Variants in JUP observed in about 807,000 individuals in gnomAD.
JUP encodes the protein junction plakoglobin.
In JUP, 28 loss-of-function variants were observed where a neutral mutation model predicts 71.1. That is an observed-to-expected ratio of 0.39 (90% CI 0.29 to 0.54). JUP has a LOEUF of 0.54. Among genes scored for constraint, JUP ranks in the 20% least tolerant of loss-of-function variants. The pLI is 0.62. For synonymous variants in JUP, 401 were observed against 438.9 expected, an observed-to-expected ratio of 0.91 and a Z score of 1.08; for missense variants, 869 against 1,030.1, an observed-to-expected ratio of 0.84 and a Z score of 2.14.
chr17:41,765,313 G>T (rs1174177110), intron 5 of JUP, among the ~76,000 whole-genome samples: 1 of 151,948 alleles, frequency 6.6e-6, no homozygotes, highest in Non-Finnish European at 1.5e-5. Context: ...TGGGATTACA[G>T]ATGTGAGCCA....
chr17:41,769,123 G>C lies in JUP; in HGVS notation c.553C>G (p.Leu185Val). The C allele has an allele frequency of 1.9e-6, 3 of 1,610,250 alleles. No individual in the cohort carries two copies. Among genetic ancestry groups the C allele is most frequent in the Middle Eastern group, 1.7e-4 (1 of 6,038 alleles). ...SRRALMGSPQ[L>V]VAAVVRTMQN... The stretch of plus-strand genomic sequence containing the variant: ...ATGGTACGCACGACAGCGGCCACCA[G>C]CTGGGGCGAGCCCATCAGGGCCCGC... Residue 185 changes from leucine (L) to valine (V), a missense_variant, in exon 4 of 14, where the codon CTG (leucine) becomes GTG (valine). Physicochemically the swap from Leu to Val is conservative, Grantham distance 32. Coordinates refer to ENST00000393931, the MANE Select transcript of JUP (RefSeq NM_002230.4).
intron 5 of JUP, among the ~76,000 whole-genome samples, chr17:41,765,705 A>C (rs1018011107): frequency 6.6e-6 from 1 of 152,182 alleles, no homozygotes; most frequent in Admixed American, 6.6e-5. Flanking sequence ...AAAAAAGGAT[A>C]ATACCCAGTG....
chr17:41,783,983 G>C (rs11870036), intron 1 of JUP, among the ~76,000 whole-genome samples: 5,934 of 151,856 alleles, frequency 0.039, 376 homozygotes, highest in African/African-American at 0.14. Flanking sequence ...GTACTTACTG[G>C]GTAGATAGGT....
chr17:41,761,117 C>A (rs1914736140), intron 8 of JUP, among the ~76,000 whole-genome samples: 1 of 152,186 alleles, frequency 6.6e-6, no homozygotes. Context: ...GGAAGTGACA[C>A]ACAGCTAGCT....
chr17:41,767,526 G>A lies in JUP; in HGVS notation c.762C>T (p.Leu254=), dbSNP rs781805854. The A allele has an allele frequency of 3.4e-5, 55 of 1,610,904 alleles. No homozygotes were observed. Among genetic ancestry groups the A allele is most frequent in the East Asian group, 4.5e-5 (2 of 44,766 alleles). Residue 254 remains leucine (L), a synonymous_variant, in exon 5 of 14, where the codon CTC becomes CTT. Transcript: ENST00000393931. ...CCATCTTGGCGCCCTCCTGGTACAGGAGCAGGTTGTGCAGCGTGGTGATGG... is the reference window on the plus strand; with the variant it reads ...CCATCTTGGCGCCCTCCTGGTACAGAAGCAGGTTGTGCAGCGTGGTGATGG... ...FYAITTLHNL[L]LYQEGAKMAV...
intron 13 of JUP, 56 bp from the exon 14 acceptor site, chr17:41,755,951 C>A: frequency 6.4e-7 from 1 of 1,567,242 alleles, no homozygotes; most frequent in Non-Finnish European, 8.7e-7. Context: ...CTGCAGGGAG[C>A]AGTCTGCACA....
chr17:41,766,311 GGAAAAGGA>G (rs1597812600), intron 5 of JUP, among the ~76,000 whole-genome samples: 3 of 140,352 alleles, frequency 2.1e-5, no homozygotes, highest in East Asian at 2.0e-4. Context: ...GAGAGGGAAA[GGAAAAGGA>G]AAAGGAAAAG....
At chr17:41,780,006 G>T (rs1328744039) in intron 1 of JUP, among the ~76,000 whole-genome samples, 2 of 152,032 alleles carry the variant, frequency 1.3e-5, no homozygotes, top group East Asian at 1.9e-4. Flanking sequence ...GGAAGAGGAG[G>T]AGTCTCCCCT....
intron 1 of JUP, among the ~76,000 whole-genome samples, chr17:41,783,729 C>G (rs931373100): frequency 7.3e-5 from 11 of 151,716 alleles, no homozygotes; most frequent in Non-Finnish European, 1.0e-4. Flanking sequence ...GACCAGCCTG[C>G]GCAACATGGT....
intron 5 of JUP, among the ~76,000 whole-genome samples, chr17:41,766,723 C>T (rs965236417): frequency 4.0e-5 from 6 of 151,882 alleles, no homozygotes; most frequent in Non-Finnish European, 5.9e-5. Flanking sequence ...GGTGTGGTGG[C>T]GGGCACCTGT....
chr17:41,773,861 C>A (rs1320951928), intron 1 of JUP, among the ~76,000 whole-genome samples: 1 of 152,232 alleles, frequency 6.6e-6, no homozygotes, highest in Non-Finnish European at 1.5e-5. Context: ...AAGGAAGGTG[C>A]AAGTGTACAA....
chr17:41,763,438 C>A, intron 7 of JUP, 117 bp from the exon 8 acceptor site: 1 of 705,780 alleles, frequency 1.4e-6, no homozygotes. Context: ...TGTGTGTGCC[C>A]GGGAACTTTC....
At chr17:41,762,833 A>T (rs995870196) in intron 8 of JUP, 150 bp downstream of exon 8, 1 of 667,246 alleles carries the variant, frequency 1.5e-6, no homozygotes, top group Non-Finnish European at 2.7e-6. Flanking sequence ...GCCATTGTTG[A>T]GGTCTAAACT....
chr17:41,767,862 TA>T (rs2143658784), intron 4 of JUP, among the ~76,000 whole-genome samples: 1 of 152,262 alleles, frequency 6.6e-6, no homozygotes, highest in South Asian at 2.1e-4. Flanking sequence ...TGATCCCTAC[TA>T]AGTAACCACC....
intron 12 of JUP, 28 bp from the exon 13 acceptor site, chr17:41,756,242 G>GGA (rs782715714): frequency 6.2e-7 from 1 of 1,611,928 alleles, no homozygotes; most frequent in East Asian, 2.2e-5. Context: ...AACATGGAGG[G>GGA]GAGGTTTGAA....
intron 7 of JUP, 108 bp downstream of exon 7, chr17:41,764,605 A>G: frequency 2.6e-6 from 2 of 782,178 alleles, no homozygotes; most frequent in Non-Finnish European, 4.5e-6. Context: ...CAAGGAAGAG[A>G]GATTTAGAGC....
intron 8 of JUP, among the ~76,000 whole-genome samples, chr17:41,762,677 AG>A (rs1555601854): frequency 6.6e-6 from 1 of 152,194 alleles, no homozygotes; most frequent in Non-Finnish European, 1.5e-5. Flanking sequence ...TTGGGATTAC[AG>A]GCATGAGCCA....
chr17:41,755,626 G>T lies in JUP; in HGVS notation c.*118C>A, dbSNP rs954606273. On this transcript the variant is annotated 3_prime_UTR_variant, in exon 14 of 14. Coordinates refer to ENST00000393931, the MANE Select transcript of JUP (RefSeq NM_002230.4). ...TGCTTGGGGAAGCTCAGCAGCAAAG[G>T]ATCCCCCCAAAAAAGGAGCGCAGGT... is the stretch of plus-strand genomic sequence containing the variant. The T allele has an allele frequency of 2.9e-6, 3 of 1,025,470 alleles. No individual in the cohort carries two copies. Among genetic ancestry groups the T allele is most frequent in the Non-Finnish European group, 4.1e-6 (3 of 726,786 alleles). The allele number at this position is 1,025,470 out of a possible 1,614,324, so 63.5% of individuals were successfully genotyped here.
At chr17:41,775,657 A>AT (rs2046846002) in intron 1 of JUP, among the ~76,000 whole-genome samples, 1 of 152,196 alleles carries the variant, frequency 6.6e-6, no homozygotes. Context: ...TCTGAGTTGA[A>AT]TGGGGGGCCT....
Sources: allele counts gnomAD v4.1 joint callset (sites outside exome capture counted in the v4.1 genomes callset), GRCh38; gene constraint gnomAD v4.1.1; transcripts MANE v1.5; gene names NCBI Gene and HGNC (gene_info 2026-07-23, HGNC 2026-07-21).